Variants in GRB10 observed in about 807,000 individuals in gnomAD.
GRB10 encodes growth factor receptor bound protein 10.
In GRB10, 20 loss-of-function variants were observed where a neutral mutation model predicts 80.9. The ratio of observed to expected loss-of-function variants is 0.25; its 90% CI spans 0.17 to 0.36. The LOEUF (loss-of-function observed/expected upper bound fraction) is 0.36, where lower values mean the gene tolerates loss of function less well. Among genes scored for constraint, GRB10 ranks in the 10% least tolerant of loss-of-function variants. The pLI, the probability that GRB10 is intolerant of heterozygous loss-of-function variation, is 1.00. For missense variants in GRB10, 548 were observed against 747.7 expected, an observed-to-expected ratio of 0.73 and a Z score of 3.12; for synonymous variants, 291 against 291.5, an observed-to-expected ratio of 1.00 and a Z score of 0.02.
At chr7:50,634,065 C>G (rs1372218382) in intron 7 of GRB10, among the ~76,000 whole-genome samples, 1 of 152,132 alleles carries the variant, frequency 6.6e-6, no homozygotes, top group Non-Finnish European at 1.5e-5. Context: ...ACAGAAGATG[C>G]ACATTCACCA....
At chr7:50,676,843 C>G (rs1214046135) in intron 5 of GRB10, among the ~76,000 whole-genome samples, 1 of 152,058 alleles carries the variant, frequency 6.6e-6, no homozygotes, top group East Asian at 1.9e-4. Flanking sequence ...CAGGGTTTAG[C>G]CAGATCACGC....
intron 4 of GRB10, among the ~76,000 whole-genome samples, chr7:50,731,929 C>T (rs2069815359): frequency 6.6e-6 from 1 of 152,204 alleles, no homozygotes; most frequent in Non-Finnish European, 1.5e-5. Flanking sequence ...GTGTCTGGCC[C>T]GACCCAGAAG....
chr7:50,601,392 A>G (rs988845869), intron 17 of GRB10, among the ~76,000 whole-genome samples: 4 of 152,230 alleles, frequency 2.6e-5, no homozygotes, highest in African/African-American at 9.6e-5. Flanking sequence ...TGCAAACACT[A>G]AAGAGAAACT....
intron 8 of GRB10, among the ~76,000 whole-genome samples, chr7:50,625,723 T>G (rs1369682325): frequency 6.6e-6 from 1 of 152,158 alleles, no homozygotes; most frequent in African/African-American, 2.4e-5. Flanking sequence ...CCAGCAAGAG[T>G]TCTATCCAAT....
chr7:50,741,551 T>TA (rs752078809), intron 3 of GRB10, among the ~76,000 whole-genome samples: 8,468 of 114,826 alleles, frequency 0.074, 227 homozygotes, highest in Non-Finnish European at 0.085. Flanking sequence ...AACATGTGTT[T>TA]AAAAAAAAAA....
At chr7:50,730,893 C>T (rs1022893397) in intron 4 of GRB10, among the ~76,000 whole-genome samples, 9 of 152,114 alleles carry the variant, frequency 5.9e-5, no homozygotes, top group Non-Finnish European at 5.9e-5. Context: ...AGAGACTTTC[C>T]CTTGGGGATG....
chr7:50,662,754 C>A (rs1253563669), intron 7 of GRB10, among the ~76,000 whole-genome samples: 1 of 152,198 alleles, frequency 6.6e-6, no homozygotes, highest in African/African-American at 2.4e-5. Flanking sequence ...TAACCACCAA[C>A]GGATGCTAAA....
At chr7:50,741,823 T>C (rs2071809535) in intron 3 of GRB10, among the ~76,000 whole-genome samples, 1 of 151,700 alleles carries the variant, frequency 6.6e-6, no homozygotes, top group South Asian at 2.1e-4. Context: ...CAGTCAAAAA[T>C]CGGAAAGCAA....
chr7:50,748,911 A>G (rs985342467), intron 3 of GRB10, among the ~76,000 whole-genome samples: 2 of 152,250 alleles, frequency 1.3e-5, no homozygotes, highest in Admixed American at 1.3e-4. Flanking sequence ...CCAAAAGGCC[A>G]TAAGAAATCA....
rs149982161 is a variant in GRB10, at chr7:50,774,504, A to G, written c.-217+6123T>C. Among the ~76,000 whole-genome samples the G allele has an allele frequency of 2.6e-3, 399 of 152,310 alleles. 2 individuals are homozygous for G. The highest frequency in any genetic ancestry group is 9.2e-3 in the African/African-American group (382 of 41,580). Reference sequence around the variant, plus strand: ...GCTGTGCCCTCACATGGCAGAATGCAGAAGTGCAAAAAGGGGATCCTAGCT... The same window carrying G: ...GCTGTGCCCTCACATGGCAGAATGCGGAAGTGCAAAAAGGGGATCCTAGCT... On this transcript the variant is annotated intron_variant, in intron 2 of 18. Transcript: ENST00000401949.
intron 4 of GRB10, among the ~76,000 whole-genome samples, chr7:50,708,673 GTTTTTTTT>G (rs150250702): frequency 1.1e-4 from 9 of 83,262 alleles, no homozygotes; most frequent in Non-Finnish European, 2.0e-4. Context: ...CTGTGAGTCT[GTTTTTTTT>G]TTTTTTTTTT....
chr7:50,793,047 C>T (rs2079003484), intron 1 of GRB10: 6 of 143,922 alleles, frequency 4.2e-5, no homozygotes, highest in Admixed American at 2.1e-4. Flanking sequence ...GCCGGAGCCC[C>T]CGGCCCGGAG....
intron 7 of GRB10, among the ~76,000 whole-genome samples, chr7:50,637,847 AAC>A (rs2153603212): frequency 6.6e-6 from 1 of 151,856 alleles, no homozygotes; most frequent in South Asian, 2.1e-4. Context: ...TGGTAAAAAA[AAC>A]AGACATACAA....
At chr7:50,707,275 C>G (rs555778881) in intron 4 of GRB10, among the ~76,000 whole-genome samples, 6 of 152,150 alleles carry the variant, frequency 3.9e-5, no homozygotes, top group Admixed American at 1.3e-4. Context: ...CTCCTTCCCC[C>G]CAAAAGTAGT....
chr7:50,785,114 C>A (rs1230728184), upstream of GRB10, among the ~76,000 whole-genome samples: 1 of 152,062 alleles, frequency 6.6e-6, no homozygotes, highest in African/African-American at 2.4e-5. Flanking sequence ...GCTCCTGGAG[C>A]AGCACCTCCA....
intron 7 of GRB10, among the ~76,000 whole-genome samples, chr7:50,649,160 A>G (rs1413768827): frequency 6.6e-6 from 1 of 152,172 alleles, no homozygotes; most frequent in Non-Finnish European, 1.5e-5. Context: ...AGAGCAGTGA[A>G]TAAGAGACCC....
chr7:50,639,447 G>C (rs569777637), intron 7 of GRB10, among the ~76,000 whole-genome samples: 155 of 152,256 alleles, frequency 1.0e-3, no homozygotes, highest in Middle Eastern at 6.8e-3. Flanking sequence ...AGGCCGAAGT[G>C]GGCGGATCAC....
At chr7:50,729,748 G>C (rs901167096) in intron 4 of GRB10, among the ~76,000 whole-genome samples, 1 of 147,660 alleles carries the variant, frequency 6.8e-6, no homozygotes, top group African/African-American at 2.5e-5. Flanking sequence ...AAGGCAGCCG[G>C]CCCTCTCTCC....
Position 50,782,210 on chromosome 7 carries a change from T to C in GRB10, c.-327+214A>G, listed in dbSNP as rs1301536782. ...TGGTTACATAATACTGTCCTATGGC[T>C]GGCGGCAACGAAGCTCGGGATCTCG... On this transcript the variant is annotated intron_variant, in intron 1 of 18. Transcript: ENST00000401949. The surrounding 1 kb of genome is among the most constrained non-coding windows in gnomAD (Gnocchi z 6.6). 6.6e-6 allele frequency among the ~76,000 whole-genome samples: 1 copy of C among 152,050 alleles called. No individual in the cohort carries two copies.
Sources: gnomAD v4.1 joint callset for allele counts (sites outside exome capture counted in the v4.1 genomes callset) on GRCh38, gnomAD v4.1.1 for gene constraint, Gnocchi (gnomAD v3.1) non-coding constraint, MANE v1.5 for transcripts, NCBI Gene and HGNC (gene_info 2026-07-23, HGNC 2026-07-21) for gene names.